FRMD4A: variants seen among roughly 807,000 people sequenced by gnomAD.
FRMD4A encodes the protein FERM domain containing 4A, also known as FERM domain-containing protein 4A.
Under a neutral mutation model 129.1 loss-of-function variants are expected in FRMD4A, and 29 were observed. That is an observed-to-expected ratio of 0.22 (90% CI 0.17 to 0.31). The LOEUF is 0.31. Ranked by LOEUF, FRMD4A falls within the 10% of genes least tolerant of loss-of-function variation. FRMD4A has a pLI of 1.00. For synonymous variants in FRMD4A, 634 were observed against 571.6 expected (o/e 1.11, Z -1.56); for missense variants, 1,272 against 1,375.8 (o/e 0.92, Z 1.19).
At chr10:14,044,672 G>A (rs1184571663) in intron 2 of FRMD4A, among the ~76,000 whole-genome samples, 1 of 152,230 alleles carries the variant, frequency 6.6e-6, no homozygotes, top group Non-Finnish European at 1.5e-5. Context: ...GGGCTCTGCT[G>A]AGGCCTCAAT....
intron 2 of FRMD4A, among the ~76,000 whole-genome samples, chr10:14,145,677 G>T (rs370866325): frequency 6.6e-6 from 1 of 152,186 alleles, no homozygotes; most frequent in Admixed American, 6.5e-5. Flanking sequence ...GGCACAGAGA[G>T]GTTAAGCAAC....
intron 2 of FRMD4A, among the ~76,000 whole-genome samples, chr10:14,098,459 A>C (rs1246645348): frequency 2.6e-5 from 4 of 151,204 alleles, no homozygotes; most frequent in African/African-American, 9.7e-5. Flanking sequence ...GCTGGAGTGC[A>C]CTGGCACGAT....
chr10:13,707,486 G>C, intron 12 of FRMD4A: 4 of 1,014,408 alleles, frequency 3.9e-6, no homozygotes, highest in Non-Finnish European at 4.7e-6. Flanking sequence ...ACCCAGCAGG[G>C]AAGGCGGCGG....
intron 14 of FRMD4A, among the ~76,000 whole-genome samples, chr10:13,699,224 GTTTTT>G (rs1168489802): frequency 1.3e-5 from 1 of 76,272 alleles, no homozygotes; most frequent in Admixed American, 1.7e-4. Context: ...CTTGGTTATT[GTTTTT>G]TTTTTTTTTT....
At chr10:14,025,979 C>T (rs947393463) in intron 2 of FRMD4A, among the ~76,000 whole-genome samples, 2 of 152,148 alleles carry the variant, frequency 1.3e-5, no homozygotes, top group African/African-American at 4.8e-5. Context: ...TAATGGCCAT[C>T]CTTGCTGTGA....
At chr10:14,236,120 G>A (rs982595355) in intron 2 of FRMD4A, among the ~76,000 whole-genome samples, 2 of 152,176 alleles carry the variant, frequency 1.3e-5, no homozygotes, top group African/African-American at 2.4e-5. Flanking sequence ...TTCTAAAAGG[G>A]ATGCTCTTCG....
intron 2 of FRMD4A, among the ~76,000 whole-genome samples, chr10:13,902,490 A>AGAGAGAGAGAGAGAGAGAGAGAGG (rs2094832464): frequency 6.6e-6 from 1 of 151,000 alleles, no homozygotes; most frequent in Admixed American, 6.6e-5. Context: ...AGAGAGAGAG[A>AGAGAGAGAGAGAGAGAGAGAGAGG]GTGACAGAGA....
At chr10:13,669,092 G>T (rs550930754) in intron 17 of FRMD4A, among the ~76,000 whole-genome samples, 1 of 135,358 alleles carries the variant, frequency 7.4e-6, no homozygotes, top group East Asian at 2.1e-4. Flanking sequence ...TTGAGACAGG[G>T]TCTCTGTCAC....
At chr10:13,765,245 G>A (rs1490051201) in intron 6 of FRMD4A, among the ~76,000 whole-genome samples, 1 of 151,184 alleles carries the variant, frequency 6.6e-6, no homozygotes, top group Non-Finnish European at 1.5e-5. Flanking sequence ...CTCCCAAGTA[G>A]CTGAGATTAC....
chr10:13,929,017 G>A (rs1395183311), intron 2 of FRMD4A, among the ~76,000 whole-genome samples: 1 of 152,170 alleles, frequency 6.6e-6, no homozygotes, highest in Non-Finnish European at 1.5e-5. Flanking sequence ...AACCGGACAC[G>A]CTTGGCACCC....
rs146720150 is a variant in FRMD4A, at chr10:13,981,871, C to G, written c.46-122959G>C. 3.9e-5 allele frequency among the ~76,000 whole-genome samples: 6 copies of G among 152,128 alleles called. No homozygotes were observed. In the East Asian group the frequency reaches 1.2e-3, roughly 29 times the overall value. On this transcript the variant is annotated intron_variant, in intron 2 of 24. Transcript: ENST00000357447. ...AAGCTCCCAGTGGGGATCCAGTGAC[C>G]TGCAGGTAGAAGCAGGTAGGTGTGC...
At chr10:14,292,525 C>T (rs957591823) in intron 2 of FRMD4A, among the ~76,000 whole-genome samples, 1 of 152,226 alleles carries the variant, frequency 6.6e-6, no homozygotes, top group Non-Finnish European at 1.5e-5. Context: ...ATGGGCTGGG[C>T]ATGGTGGCTC....
chr10:14,127,266 G>A (rs1838896387), intron 2 of FRMD4A, among the ~76,000 whole-genome samples: 1 of 152,216 alleles, frequency 6.6e-6, no homozygotes, highest in Admixed American at 6.5e-5. Context: ...AAAACACCCA[G>A]GTCCTTGGAG....
At chr10:14,032,797 G>T (rs1336243471) in intron 2 of FRMD4A, among the ~76,000 whole-genome samples, 1 of 152,180 alleles carries the variant, frequency 6.6e-6, no homozygotes, top group East Asian at 1.9e-4. Context: ...TAAAAGGCGG[G>T]GGACATCCTG....
chr10:14,223,931 T>C (rs2131976528), intron 2 of FRMD4A, among the ~76,000 whole-genome samples: 1 of 152,292 alleles, frequency 6.6e-6, no homozygotes, highest in East Asian at 1.9e-4. Context: ...TCTTTCCTGC[T>C]AAGCAACAAA....
chr10:14,242,631 A>G (rs1844088878), intron 2 of FRMD4A, among the ~76,000 whole-genome samples: 1 of 152,232 alleles, frequency 6.6e-6, no homozygotes, highest in Admixed American at 6.5e-5. Flanking sequence ...TAAAACAAGG[A>G]TAAGGAGGCA....
intron 6 of FRMD4A, among the ~76,000 whole-genome samples, chr10:13,766,680 A>G (rs991374460): frequency 1.3e-5 from 2 of 152,184 alleles, no homozygotes; most frequent in Admixed American, 6.5e-5. Context: ...TCCCCCTTAT[A>G]CACCTCATCC....
At chr10:14,272,525 A>T (rs142871122) in intron 2 of FRMD4A, among the ~76,000 whole-genome samples, 230 of 152,344 alleles carry the variant, frequency 1.5e-3, no homozygotes, top group Non-Finnish European at 2.4e-3. Flanking sequence ...CACGTCTATT[A>T]CCAACCTGAC....
intron 2 of FRMD4A, among the ~76,000 whole-genome samples, chr10:13,908,182 A>AC (rs1193848305): frequency 6.6e-6 from 1 of 150,706 alleles, no homozygotes; most frequent in African/African-American, 2.4e-5. Flanking sequence ...AAAAAAAAAA[A>AC]AAAAAAAAGG....
Sources: allele counts gnomAD v4.1 joint callset (sites outside exome capture counted in the v4.1 genomes callset), GRCh38; gene constraint gnomAD v4.1.1; transcripts MANE v1.5; gene names NCBI Gene and HGNC (gene_info 2026-07-23, HGNC 2026-07-21).